DUOXA2: variants seen among roughly 807,000 people sequenced by gnomAD.
The protein encoded by DUOXA2 is dual oxidase maturation factor 2.
Under a neutral mutation model 27.6 loss-of-function variants are expected in DUOXA2, and 22 were observed. The ratio of observed to expected loss-of-function variants is 0.80; its 90% CI spans 0.57 to 1.14. DUOXA2 has a LOEUF of 1.14. DUOXA2 is among the 50% of genes most tolerant of loss of function. The pLI, the probability that DUOXA2 is intolerant of heterozygous loss-of-function variation, is 0.00. For synonymous variants in DUOXA2, 188 were observed against 184.4 expected, an observed-to-expected ratio of 1.02 and a Z score of -0.16; for missense variants, 481 against 419.9, an observed-to-expected ratio of 1.15 and a Z score of -1.27.
rs754585926 is a variant in DUOXA2 at position 45,117,242 on chromosome 15, C to G, written c.706C>G (p.Arg236Gly). 3 of 1,610,322 alleles carry G rather than the reference C, an allele frequency of 1.9e-6. No homozygotes were observed. Among genetic ancestry groups the G allele is most frequent in the Non-Finnish European group, 2.5e-6 (3 of 1,179,332 alleles). ...SISSVPLCPL[R>G]LGSSALTTQY... ...CTCTAGCGTGCCGCTCTGCCCGCTCCGCCTAGGCTCCTCCGCGCTCACCAC... is the reference window on the plus strand; with the variant it reads ...CTCTAGCGTGCCGCTCTGCCCGCTCGGCCTAGGCTCCTCCGCGCTCACCAC... The change falls in exon 5 of 6, where the codon CGC becomes GGC. Residue 236 changes from arginine (R) to glycine (G), a missense_variant. Coordinates refer to ENST00000323030, the MANE Select transcript of DUOXA2 (RefSeq NM_207581.4).
rs148093420 is a variant in DUOXA2 at position 45,117,838 on chromosome 15, CTT to C, written c.893_894del (p.Leu298HisfsTer21). 805 of 1,613,826 alleles carry C rather than the reference CTT, an allele frequency of 5.0e-4. 3 individuals are homozygous for C. The African/African-American group carries it at 9.9e-3, about 20-fold the overall frequency. ...DCSQERGGSP[L>X]ILGDPLHKQA... ...CAGCCAGGAGAGAGGGGGCTCACCT[CTT>C]ATCCTCGGCGACCCACTGCACAAGC... On this transcript the variant is annotated frameshift_variant, in exon 6 of 6. Coordinates refer to ENST00000323030, the MANE Select transcript of DUOXA2 (RefSeq NM_207581.4). LOFTEE classifies it low-confidence loss of function (END_TRUNC).
chr15:45,116,433 ACACCCC>A, intron 3 of DUOXA2, 77 bp from the exon 4 acceptor site: 1 of 1,574,244 alleles, frequency 6.4e-7, no homozygotes, highest in Non-Finnish European at 8.7e-7. Flanking sequence ...CGAGAGCGCC[ACACCCC>A]CACTTTCCTG....
Position 45,116,515 on chromosome 15 carries a change from G to C in DUOXA2, c.341-1G>C, listed in dbSNP as rs780074302. 1 of 1,613,628 alleles carries C rather than the reference G, an allele frequency of 6.2e-7. No homozygotes were observed. Among genetic ancestry groups the C allele is most frequent in the African/African-American group, 1.3e-5 (1 of 74,938 alleles). Reference sequence around the variant, plus strand: ...CCCCATGAGCCCGCCTCACCCCACAGGGACCCCAGTGCATCAGCTGAACGA... The same window carrying C: ...CCCCATGAGCCCGCCTCACCCCACACGGACCCCAGTGCATCAGCTGAACGA... On this transcript the variant is annotated splice_acceptor_variant, in intron 3 of 5. Transcript: ENST00000323030. LOFTEE classifies it high-confidence loss of function.
In DUOXA2 at chr15:45,118,081, C is replaced by T. The variant is rs938500800; in HGVS notation, c.*172C>T. 4.6e-6 allele frequency: 7 copies of T among 1,527,726 alleles called. No individual in the cohort carries two copies. Among genetic ancestry groups the T allele is most frequent in the African/African-American group, 2.8e-5 (2 of 71,642 alleles). 94.6% of individuals were successfully genotyped at this position (1,527,726 alleles called of 1,614,324 possible). A position where few individuals can be genotyped will look rare whatever the true frequency, so the allele number is the denominator to read the frequency against. The stretch of plus-strand genomic sequence containing the variant: ...TCTCCTGGGGCGATCTGTAAATAAA[C>T]CTTTTTTTCTTTTGTTTTTTAAAAA... On this transcript the variant is annotated 3_prime_UTR_variant, in exon 6 of 6. Coordinates refer to ENST00000323030, the MANE Select transcript of DUOXA2 (RefSeq NM_207581.4).
Position 45,115,687 on chromosome 15 carries a change from A to T in DUOXA2, c.148-112A>T, listed in dbSNP as rs982038676. On this transcript the variant is annotated intron_variant, in intron 1 of 5. Coordinates refer to ENST00000323030, the MANE Select transcript of DUOXA2 (RefSeq NM_207581.4). ...TTGCAGGAAAAGCGTGCCTAACATT[A>T]GTCTCAAAAGTCTGGATATAACTAA... 8 of 1,266,760 alleles carry T rather than the reference A, an allele frequency of 6.3e-6. No individual in the cohort carries two copies. The African/African-American group carries it at 7.4e-5, about 12-fold the overall frequency. 78.5% of individuals were successfully genotyped at this position (1,266,760 alleles called of 1,614,324 possible). A position where few individuals can be genotyped will look rare whatever the true frequency, so the allele number is the denominator to read the frequency against.
chr15:45,116,311 G>A (rs1275992834), intron 3 of DUOXA2, 53 bp downstream of exon 3: 4 of 1,609,398 alleles, frequency 2.5e-6, no homozygotes, highest in Non-Finnish European at 3.4e-6. Flanking sequence ...CCCCGGTTAG[G>A]TGAGTGTGTC....
rs754645560 is a variant in DUOXA2, at chr15:45,116,136, G to A, written c.218G>A (p.Ser73Asn). 3 of 1,613,316 alleles carry A rather than the reference G, an allele frequency of 1.9e-6. No individual in the cohort carries two copies. The highest frequency in any genetic ancestry group is 1.7e-5 in the Admixed American group (1 of 59,988). ...CCTTTCCCTACAGCTGTGCACTTCA[G>A]TGCAGAATGGTTCGTGGGTACAGTG... Reference protein sequence around the residue: ...IGAEIVAVHFSAEWFVGTVNT... With the variant: ...IGAEIVAVHFNAEWFVGTVNT... The change falls in exon 3 of 6, where the codon AGT becomes AAT. Residue 73 changes from serine (S) to asparagine (N), a missense_variant. Coordinates refer to ENST00000323030, the MANE Select transcript of DUOXA2 (RefSeq NM_207581.4).
At chr15:45,116,026 T>G in intron 2 of DUOXA2, 98 bp from the exon 3 acceptor site, 1 of 1,601,922 alleles carries the variant, frequency 6.2e-7, no homozygotes, top group Non-Finnish European at 8.5e-7. Context: ...ATTGGACCTC[T>G]AAGTCCCCAT....
In DUOXA2 at chr15:45,114,547, C is replaced by A. The variant is rs1894551392; in HGVS notation, c.-59C>A. 2 of 1,607,586 alleles carry A rather than the reference C, an allele frequency of 1.2e-6. No individual in the cohort carries two copies. Among genetic ancestry groups the A allele is most frequent in the Non-Finnish European group, 1.7e-6 (2 of 1,178,234 alleles). On this transcript the variant is annotated 5_prime_UTR_variant, in exon 1 of 6. Transcript: ENST00000323030. ...AAGGACGCGCTCTCCCGCGTCCAGG[C>A]AGCCCCAGCTTGCTGGCTTGCCTGC...
chr15:45,116,824 C>A, intron 4 of DUOXA2, 95 bp downstream of exon 4: 9 of 1,442,722 alleles, frequency 6.2e-6, no homozygotes, highest in African/African-American at 1.4e-5. Flanking sequence ...CGCTGAGCAG[C>A]TGCAGCCAGA....
chr15:45,116,377 G>C, intron 3 of DUOXA2, 119 bp downstream of exon 3: 1 of 1,566,622 alleles, frequency 6.4e-7, no homozygotes. Context: ...TGTGGTCCTC[G>C]TGGATTTGCG....
chr15:45,118,176 T>G lies in DUOXA2; in HGVS notation c.*267T>G, dbSNP rs998734944. The G allele has an allele frequency of 7.0e-7, 1 of 1,435,688 alleles. No individual in the cohort carries two copies. The highest frequency in any genetic ancestry group is 9.1e-7 in the Non-Finnish European group (1 of 1,100,458). The allele number at this position is 1,435,688 out of a possible 1,614,324, so 88.9% of individuals were successfully genotyped here. On this transcript the variant is annotated 3_prime_UTR_variant, in exon 6 of 6. Transcript: ENST00000323030. ...CACGTCCTCATGAGCTTCGCTGGGCTGGAGACAGCCTAGTACACTCTCCGC... is the reference window on the plus strand; with the variant it reads ...CACGTCCTCATGAGCTTCGCTGGGCGGGAGACAGCCTAGTACACTCTCCGC...
Position 45,116,598 on chromosome 15 carries a change from G to T in DUOXA2, c.423G>T (p.Glu141Asp). The change falls in exon 4 of 6, where the codon GAG becomes GAT. Residue 141 changes from glutamate to aspartate, a missense_variant. Coordinates refer to ENST00000323030, the MANE Select transcript of DUOXA2 (RefSeq NM_207581.4). Reference sequence around the variant, plus strand: ...GTCTGAAAGAGAATTACGCCGCGGAGTACGCGAACGCACTGGAGAAGGGGC... The same window carrying T: ...GTCTGAAAGAGAATTACGCCGCGGATTACGCGAACGCACTGGAGAAGGGGC... ...TWRLKENYAA[E>D]YANALEKGLP... is the part of the protein sequence containing the mutation. The T allele has an allele frequency of 6.2e-7, 1 of 1,614,052 alleles. No individual in the cohort carries two copies. Among genetic ancestry groups the T allele is most frequent in the Non-Finnish European group, 8.5e-7 (1 of 1,180,054 alleles).
intron 1 of DUOXA2, 25 bp downstream of exon 1, chr15:45,114,777 T>C: frequency 6.2e-7 from 1 of 1,613,974 alleles, no homozygotes; most frequent in Non-Finnish European, 8.5e-7. Context: ...ATAGTGCAGG[T>C]AGAGTGGGGG....
chr15:45,115,921 T>A (rs1416205643), intron 2 of DUOXA2, 65 bp downstream of exon 2: 1 of 1,610,154 alleles, frequency 6.2e-7, no homozygotes, highest in Non-Finnish European at 8.5e-7. Context: ...AGAGGGCACC[T>A]GGGACAATAG....
At position 45,118,256 on chromosome 15, in the gene DUOXA2, T is replaced by G; in HGVS notation, c.*347T>G. 7.2e-7 allele frequency: 1 copy of G among 1,380,614 alleles called. No individual in the cohort carries two copies. Among genetic ancestry groups the G allele is most frequent in the Non-Finnish European group, 9.3e-7 (1 of 1,073,426 alleles). The allele number at this position is 1,380,614 out of a possible 1,614,324, so 85.5% of individuals were successfully genotyped here. A position where few individuals can be genotyped will look rare whatever the true frequency, so the allele number is the denominator to read the frequency against. ...ACTCCAGAGTAATAGGGGCGCCCTCTAGTGAGGCCGGAGGGACCCTACCAG... is the reference window on the plus strand; with the variant it reads ...ACTCCAGAGTAATAGGGGCGCCCTCGAGTGAGGCCGGAGGGACCCTACCAG... On this transcript the variant is annotated 3_prime_UTR_variant, in exon 6 of 6. Coordinates refer to ENST00000323030, the MANE Select transcript of DUOXA2 (RefSeq NM_207581.4).
In DUOXA2 at chr15:45,117,306, G is replaced by A. The variant is rs958343679; in HGVS notation, c.769+1G>A. ...GCCTTCTGGGTCACGCTGGCAACCGGTGAGGACCGAGAGAATGGGCCCCGG... is the reference window on the plus strand; with the variant it reads ...GCCTTCTGGGTCACGCTGGCAACCGATGAGGACCGAGAGAATGGGCCCCGG... On this transcript the variant is annotated splice_donor_variant, in intron 5 of 5. Coordinates refer to ENST00000323030, the MANE Select transcript of DUOXA2 (RefSeq NM_207581.4). LOFTEE classifies it high-confidence loss of function. The A allele has an allele frequency of 1.9e-6, 3 of 1,591,234 alleles. No homozygotes were observed. In the African/African-American group the frequency reaches 4.0e-5, roughly 21 times the overall value.
chr15:45,116,510 C>G lies in DUOXA2; in HGVS notation c.341-6C>G, dbSNP rs1390837723. 6.2e-7 allele frequency: 1 copy of G among 1,613,494 alleles called. No individual in the cohort carries two copies. The highest frequency in any genetic ancestry group is 8.5e-7 in the Non-Finnish European group (1 of 1,180,004). On this transcript the variant is annotated splice_region_variant and splice_polypyrimidine_tract_variant and intron_variant, in intron 3 of 5. Transcript: ENST00000323030. ...GGCAGCCCCATGAGCCCGCCTCACC[C>G]CACAGGGACCCCAGTGCATCAGCTG...
chr15:45,117,098 T>C lies in DUOXA2; in HGVS notation c.562T>C (p.Phe188Leu). The C allele has an allele frequency of 6.3e-7, 1 of 1,599,104 alleles. No homozygotes were observed. The change falls in exon 5 of 6, where the codon TTC becomes CTC. Residue 188 changes from phenylalanine to leucine, a missense_variant. Phe to Leu is a conservative substitution (Grantham distance 22, BLOSUM62 0). Coordinates refer to ENST00000323030, the MANE Select transcript of DUOXA2 (RefSeq NM_207581.4). ...CCCCCCACTCCCCGGCAGGGTGGCG[T>C]TCTGCTTCTGGCTCCTCTCCAACGT... The part of the protein sequence containing the change: ...HYASATLWVA[F>L]CFWLLSNVLL...
Sources: allele counts gnomAD v4.1 joint callset, GRCh38; gene constraint gnomAD v4.1.1; transcripts MANE v1.5; gene names NCBI Gene and HGNC (gene_info 2026-07-23, HGNC 2026-07-21).